GALNTL6: variants seen among roughly 807,000 people sequenced by gnomAD.
GALNTL6 encodes polypeptide N-acetylgalactosaminyltransferase like 6.
In GALNTL6, 46 loss-of-function variants were observed where a neutral mutation model predicts 73.7. That is an observed-to-expected ratio of 0.62 (90% CI 0.49 to 0.80). The LOEUF (loss-of-function observed/expected upper bound fraction) is 0.80, where lower values mean the gene tolerates loss of function less well. GALNTL6 is among the 30% of genes least tolerant of loss of function. The pLI is 0.00. For missense variants in GALNTL6, 604 were observed against 755.0 expected, an observed-to-expected ratio of 0.80 and a Z score of 2.34; for synonymous variants, 259 against 263.7, an observed-to-expected ratio of 0.98 and a Z score of 0.17.
chr4:172,597,615 A>G (rs1263503638), intron 5 of GALNTL6, among the ~76,000 whole-genome samples: 1 of 152,172 alleles, frequency 6.6e-6, no homozygotes, highest in African/African-American at 2.4e-5. Flanking sequence ...GTAGGATTTG[A>G]TAATCTAAAT....
At chr4:172,119,846 A>T (rs1398273224) in intron 2 of GALNTL6, among the ~76,000 whole-genome samples, 2 of 152,168 alleles carry the variant, frequency 1.3e-5, no homozygotes, top group Admixed American at 6.5e-5. Context: ...TCATTCAGTA[A>T]GGTCTGGTGA....
At chr4:172,596,572 G>A (rs1480544572) in intron 5 of GALNTL6, among the ~76,000 whole-genome samples, 1 of 152,036 alleles carries the variant, frequency 6.6e-6, no homozygotes, top group Non-Finnish European at 1.5e-5. Context: ...TTCAGAGCCT[G>A]CATGAATAAT....
At chr4:172,894,249 TTTG>T (rs776906379) in intron 8 of GALNTL6, among the ~76,000 whole-genome samples, 10 of 151,058 alleles carry the variant, frequency 6.6e-5, no homozygotes, top group South Asian at 2.1e-4. Context: ...TGGGGATTGG[TTTG>T]TTCTTGCTTT....
chr4:172,306,319 G>A (rs1442758812), intron 3 of GALNTL6, among the ~76,000 whole-genome samples: 3 of 152,084 alleles, frequency 2.0e-5, no homozygotes, highest in African/African-American at 7.2e-5. Context: ...AACTTGGGAG[G>A]TGCAGCTTGC....
intron 2 of GALNTL6, among the ~76,000 whole-genome samples, chr4:172,074,977 GT>G (rs1731659208): frequency 6.6e-6 from 1 of 151,928 alleles, no homozygotes; most frequent in South Asian, 2.1e-4. Context: ...GAAACATTTT[GT>G]TTATAACAAT....
intron 10 of GALNTL6, among the ~76,000 whole-genome samples, chr4:172,965,599 A>T (rs2035064308): frequency 6.6e-6 from 1 of 150,772 alleles, no homozygotes; most frequent in African/African-American, 2.4e-5. Flanking sequence ...TAAATAAAAT[A>T]AAAATTAAAA....
intron 5 of GALNTL6, among the ~76,000 whole-genome samples, chr4:172,471,625 A>G (rs2111463995): frequency 6.6e-6 from 1 of 152,268 alleles, no homozygotes; most frequent in East Asian, 1.9e-4. Flanking sequence ...ATCTAGCTGA[A>G]TGTCTTGCAT....
chr4:172,576,210 C>T (rs909880157), intron 5 of GALNTL6, among the ~76,000 whole-genome samples: 1 of 152,182 alleles, frequency 6.6e-6, no homozygotes, highest in African/African-American at 2.4e-5. Context: ...ATGAGGCACG[C>T]TCATTACAGA....
chr4:172,558,869 ATAAAGT>A (rs765945472), intron 5 of GALNTL6, among the ~76,000 whole-genome samples: 1 of 152,104 alleles, frequency 6.6e-6, no homozygotes, highest in African/African-American at 2.4e-5. Context: ...GTTCCCTAAA[ATAAAGT>A]TTAAGTTTGG....
chr4:172,801,494 C>CCTT (rs1390170219), intron 5 of GALNTL6, among the ~76,000 whole-genome samples: 1 of 152,044 alleles, frequency 6.6e-6, no homozygotes, highest in African/African-American at 2.4e-5. Context: ...ATTTCAGGGA[C>CCTT]CTTATCTATA....
intron 5 of GALNTL6, among the ~76,000 whole-genome samples, chr4:172,571,685 T>C (rs1736766956): frequency 6.6e-6 from 1 of 152,226 alleles, no homozygotes; most frequent in African/African-American, 2.4e-5. Flanking sequence ...TATTGTTGAA[T>C]TGAAGACAAA....
rs59886944 is a variant in GALNTL6, at chr4:171,827,328, A to G, written c.138+12610A>G. On this transcript the variant is annotated intron_variant, in intron 2 of 12. Transcript: ENST00000506823. ...TAATTAATTGGTCTTAATTATTTAC[A>G]GGAAAAAGGTAGAAGTTGCAACCGC... Among the ~76,000 whole-genome samples, 831 of 152,296 alleles carry G rather than the reference A, an allele frequency of 5.5e-3. 7 individuals are homozygous for G. The highest frequency in any genetic ancestry group is 0.019 in the African/African-American group (778 of 41,576).
intron 3 of GALNTL6, among the ~76,000 whole-genome samples, chr4:172,269,011 G>A (rs114612367): frequency 0.017 from 2,640 of 152,224 alleles, 80 homozygotes; most frequent in African/African-American, 0.061. Context: ...GGAGATGAGC[G>A]TGGCCCATCA....
At chr4:172,606,714 A>AGT (rs1553964481) in intron 5 of GALNTL6, among the ~76,000 whole-genome samples, 1 of 125,188 alleles carries the variant, frequency 8.0e-6, no homozygotes, top group African/African-American at 2.9e-5. Context: ...GTATATATAT[A>AGT]GTATATATAT....
intron 5 of GALNTL6, among the ~76,000 whole-genome samples, chr4:172,627,307 A>G (rs1739206534): frequency 6.6e-6 from 1 of 152,026 alleles, no homozygotes; most frequent in African/African-American, 2.4e-5. Flanking sequence ...ATTGATTTGC[A>G]TTTGTCGAAC....
intron 2 of GALNTL6, among the ~76,000 whole-genome samples, chr4:172,083,167 C>T (rs1731931656): frequency 6.6e-6 from 1 of 152,120 alleles, no homozygotes; most frequent in East Asian, 1.9e-4. Flanking sequence ...TAAGTTTTTT[C>T]ATCACTTCCA....
intron 5 of GALNTL6, among the ~76,000 whole-genome samples, chr4:172,443,785 A>G (rs1026248228): frequency 6.6e-6 from 1 of 152,216 alleles, no homozygotes; most frequent in South Asian, 2.1e-4. Flanking sequence ...CTTTCAACAC[A>G]GAAAACTGAA....
chr4:172,084,302 C>T (rs1312646831), intron 2 of GALNTL6, among the ~76,000 whole-genome samples: 1 of 152,060 alleles, frequency 6.6e-6, no homozygotes, highest in East Asian at 1.9e-4. Flanking sequence ...ATATAGAAAA[C>T]ACCAAGAATG....
chr4:172,216,433 C>G lies in GALNTL6; in HGVS notation c.139-13223C>G, dbSNP rs893536489. On this transcript the variant is annotated intron_variant, in intron 2 of 12. Transcript: ENST00000506823. ...TAGAAGTATTACTCCTGTTTATCTA[C>G]TGGTAAAGCATTATTAAAGCCCTTC... Among the ~76,000 whole-genome samples, 5 of 151,876 alleles carry G rather than the reference C, an allele frequency of 3.3e-5. No individual in the cohort carries two copies. The South Asian group carries it at 8.3e-4, about 25-fold the overall frequency.
Sources: gnomAD v4.1 joint callset for allele counts (sites outside exome capture counted in the v4.1 genomes callset) on GRCh38, gnomAD v4.1.1 for gene constraint, MANE v1.5 for transcripts, NCBI Gene and HGNC (gene_info 2026-07-23, HGNC 2026-07-21) for gene names.